NR2F1-AS1: variants seen among roughly 807,000 people sequenced by gnomAD.
The protein encoded by NR2F1-AS1 is NR2F1 antisense RNA 1.
intron 4 of NR2F1-AS1, among the ~76,000 whole-genome samples, chr5:93,425,780 A>G (rs1301442852): frequency 6.6e-6 from 1 of 152,086 alleles, no homozygotes; most frequent in African/African-American, 2.4e-5. Flanking sequence ...CATTGCCTCT[A>G]TTATATCATT....
chr5:93,461,193 G>A (rs1188097431), intron 4 of NR2F1-AS1, among the ~76,000 whole-genome samples: 1 of 152,194 alleles, frequency 6.6e-6, no homozygotes, highest in East Asian at 1.9e-4. Context: ...AGACATGGAT[G>A]GAGCTGGAAG....
intron 4 of NR2F1-AS1, among the ~76,000 whole-genome samples, chr5:93,530,652 A>G (rs1030054728): frequency 6.6e-6 from 1 of 152,206 alleles, no homozygotes; most frequent in Non-Finnish European, 1.5e-5. Context: ...GGCATATTTC[A>G]TACCTCAAGG....
chr5:93,415,183 T>A (rs953872248), intron 4 of NR2F1-AS1, among the ~76,000 whole-genome samples: 6 of 152,194 alleles, frequency 3.9e-5, no homozygotes, highest in African/African-American at 1.4e-4. Flanking sequence ...AACAAATACT[T>A]CTCTGCCACT....
Position 93,462,559 on chromosome 5 carries a change from T to TTGGGC in NR2F1-AS1, n.639-67018_639-67017insGCCCA, listed in dbSNP as rs1353822067. On this transcript the variant is annotated intron_variant and non_coding_transcript_variant, in intron 4 of 5. Transcript: ENST00000660523. The stretch of plus-strand genomic sequence containing the variant: ...ATGTGAAGGCAACTTTGGAACTGGG[T>TTGGGC]AACCGGCAGAAGTTGGGACAGTTTG... 4.7e-4 allele frequency among the ~76,000 whole-genome samples: 71 copies of TTGGGC among 152,310 alleles called. 2 individuals are homozygous for TTGGGC. In the East Asian group the frequency reaches 0.011, roughly 23 times the overall value.
At chr5:93,435,674 G>A (rs570180868) in intron 4 of NR2F1-AS1, among the ~76,000 whole-genome samples, 16 of 152,218 alleles carry the variant, frequency 1.1e-4, no homozygotes, top group Admixed American at 2.0e-4. Context: ...ATCAGGGCTC[G>A]CTCCCCCATT....
At chr5:93,577,818 C>T (rs147811739) in intron 1 of NR2F1-AS1, among the ~76,000 whole-genome samples, 1 of 152,116 alleles carries the variant, frequency 6.6e-6, no homozygotes, top group Non-Finnish European at 1.5e-5. Context: ...TCCAGATGGG[C>T]TCGATAAAAC....
chr5:93,548,827 T>C (rs1580323488), intron 4 of NR2F1-AS1, among the ~76,000 whole-genome samples: 1 of 152,158 alleles, frequency 6.6e-6, no homozygotes, highest in East Asian at 1.9e-4. Context: ...ATCAAGACCA[T>C]GCCACCACAC....
At chr5:93,562,227 A>G (rs1350111820) in intron 2 of NR2F1-AS1, among the ~76,000 whole-genome samples, 4 of 151,700 alleles carry the variant, frequency 2.6e-5, no homozygotes, top group Non-Finnish European at 4.4e-5. Context: ...AAAGAAAATA[A>G]TAAGATAAAG....
At chr5:93,570,522 G>C (rs886457046) in intron 1 of NR2F1-AS1, 9 of 152,268 alleles carry the variant, frequency 5.9e-5, no homozygotes, top group Admixed American at 1.3e-4. Flanking sequence ...ATTACTAAGA[G>C]GTCTGCTGTG....
chr5:93,426,707 G>C (rs745455680), intron 4 of NR2F1-AS1, among the ~76,000 whole-genome samples: 8 of 152,190 alleles, frequency 5.3e-5, no homozygotes, highest in Non-Finnish European at 8.8e-5. Context: ...GCCCCTGGCA[G>C]GGGGTAACCA....
At chr5:93,489,819 C>T (rs903301265) in intron 4 of NR2F1-AS1, among the ~76,000 whole-genome samples, 6 of 152,182 alleles carry the variant, frequency 3.9e-5, no homozygotes, top group Admixed American at 3.9e-4. Context: ...TCACATCTTG[C>T]ATTCCAATTT....
chr5:93,494,888 G>GGT (rs149332857), intron 4 of NR2F1-AS1, among the ~76,000 whole-genome samples: 1 of 151,950 alleles, frequency 6.6e-6, no homozygotes, highest in East Asian at 1.9e-4. Context: ...GTGGTATTGG[G>GGT]GTGTGTGTGT....
chr5:93,494,568 T>C (rs892642943), intron 4 of NR2F1-AS1, among the ~76,000 whole-genome samples: 4 of 152,058 alleles, frequency 2.6e-5, no homozygotes, highest in Admixed American at 2.6e-4. Flanking sequence ...TGAGCCAAAA[T>C]CACGCCACTG....
At chr5:93,527,933 A>G (rs986408754) in intron 4 of NR2F1-AS1, among the ~76,000 whole-genome samples, 1 of 152,196 alleles carries the variant, frequency 6.6e-6, no homozygotes, top group African/African-American at 2.4e-5. Context: ...GGATATAGGC[A>G]TGGGCAAAGA....
chr5:93,539,714 T>A (rs1751910932), intron 4 of NR2F1-AS1, among the ~76,000 whole-genome samples: 1 of 152,112 alleles, frequency 6.6e-6, no homozygotes, highest in South Asian at 2.1e-4. Flanking sequence ...GTAACTATGG[T>A]TAACATTAAG....
chr5:93,549,031 T>C (rs1478120359), intron 4 of NR2F1-AS1, among the ~76,000 whole-genome samples: 3 of 152,222 alleles, frequency 2.0e-5, no homozygotes, highest in South Asian at 2.1e-4. Context: ...ACTGATTATA[T>C]ATATAATTCA....
At chr5:93,499,167 C>A (rs1445566200) in intron 4 of NR2F1-AS1, among the ~76,000 whole-genome samples, 1 of 152,094 alleles carries the variant, frequency 6.6e-6, no homozygotes, top group Non-Finnish European at 1.5e-5. Context: ...TTATAAGATA[C>A]ATCCTTTAAA....
intron 4 of NR2F1-AS1, among the ~76,000 whole-genome samples, chr5:93,441,547 C>T (rs1355312218): frequency 6.6e-6 from 1 of 152,120 alleles, no homozygotes; most frequent in Non-Finnish European, 1.5e-5. Context: ...TTTTCTTTGG[C>T]CACTATCTGA....
intron 4 of NR2F1-AS1, among the ~76,000 whole-genome samples, chr5:93,413,874 T>C (rs1395171051): frequency 1.3e-5 from 2 of 152,158 alleles, no homozygotes; most frequent in Non-Finnish European, 2.9e-5. Flanking sequence ...TTAATTTTAT[T>C]TTTATAAAGG....
Sources: gnomAD v4.1 joint callset for allele counts (sites outside exome capture counted in the v4.1 genomes callset) on GRCh38, gnomAD v4.1.1 for gene constraint, MANE v1.5 for transcripts, NCBI Gene and HGNC (gene_info 2026-07-23, HGNC 2026-07-21) for gene names.